The following TSPAN5 variants were observed in gnomAD, a reference collection of about 807,000 sequenced individuals.
TSPAN5 encodes tetraspanin 5.
TSPAN5 carries 10 observed loss-of-function variants against 37.1 expected under a neutral mutation model. The observed-to-expected ratio is 0.27, with a 90% CI of 0.17 to 0.46. The LOEUF is 0.46. TSPAN5 is among the 20% of genes least tolerant of loss of function. The probability of loss-of-function intolerance (pLI) is 1.00; values close to 1 mark genes in which losing one functional copy is unlikely to be tolerated. For synonymous variants in TSPAN5, 110 were observed against 118.9 expected, an observed-to-expected ratio of 0.93 and a Z score of 0.48; for missense variants, 195 against 326.6, an observed-to-expected ratio of 0.60 and a Z score of 3.11.
At chr4:98,643,053 C>G (rs564311991) in intron 1 of TSPAN5, among the ~76,000 whole-genome samples, 1 of 152,172 alleles carries the variant, frequency 6.6e-6, no homozygotes, top group African/African-American at 2.4e-5. Flanking sequence ...TAGGCCTTCC[C>G]TTTCACTCAC....
intron 1 of TSPAN5, among the ~76,000 whole-genome samples, chr4:98,543,608 C>A (rs1754409024): frequency 6.6e-6 from 1 of 151,662 alleles, no homozygotes; most frequent in South Asian, 2.1e-4. Context: ...TTAGCAGAGA[C>A]AGGGTTTCAC....
At chr4:98,585,314 T>A (rs554611413) in intron 1 of TSPAN5, among the ~76,000 whole-genome samples, 5 of 150,368 alleles carry the variant, frequency 3.3e-5, no homozygotes, top group Non-Finnish European at 7.4e-5. Flanking sequence ...TATTCCACTC[T>A]CTCTCTTTTT....
At chr4:98,541,844 T>C (rs974545102) in intron 1 of TSPAN5, among the ~76,000 whole-genome samples, 2 of 152,098 alleles carry the variant, frequency 1.3e-5, no homozygotes, top group African/African-American at 4.8e-5. Context: ...GTTAAGGTCA[T>C]CTCTACCTCT....
chr4:98,498,606 T>C (rs756362199), intron 2 of TSPAN5, among the ~76,000 whole-genome samples: 3 of 151,838 alleles, frequency 2.0e-5, no homozygotes, highest in African/African-American at 4.8e-5. Flanking sequence ...AGAGGCAAGG[T>C]TTCTCTGGAG....
At chr4:98,506,903 T>C (rs1753487650) in intron 2 of TSPAN5, among the ~76,000 whole-genome samples, 1 of 152,180 alleles carries the variant, frequency 6.6e-6, no homozygotes, top group Non-Finnish European at 1.5e-5. Context: ...CGGGTGTTTA[T>C]ATTCACTGTT....
intron 2 of TSPAN5, among the ~76,000 whole-genome samples, chr4:98,507,320 G>A (rs979644954): frequency 2.5e-4 from 38 of 152,006 alleles, no homozygotes; most frequent in Non-Finnish European, 4.4e-4. Flanking sequence ...AAGCAGAAGA[G>A]AAAAAAAGGC....
chr4:98,484,666 C>T, intron 3 of TSPAN5: 1 of 439,134 alleles, frequency 2.3e-6, no homozygotes, highest in South Asian at 1.6e-5. Flanking sequence ...AAGTAAATCA[C>T]AATTAAGGGG....
intron 1 of TSPAN5, among the ~76,000 whole-genome samples, chr4:98,616,030 C>A: frequency 6.6e-6 from 1 of 152,186 alleles, no homozygotes. Context: ...AGAGTGTTTC[C>A]AATTTCCCAG....
chr4:98,509,078 T>G (rs1002471802), intron 1 of TSPAN5, among the ~76,000 whole-genome samples: 1 of 152,180 alleles, frequency 6.6e-6, no homozygotes, highest in African/African-American at 2.4e-5. Context: ...TGGCCATGAG[T>G]AAAGATATGC....
At position 98,478,927 on chromosome 4, in the gene TSPAN5, A is replaced by C. The variant is rs747243427; in HGVS notation, c.451-117T>G. On this transcript the variant is annotated intron_variant, in intron 4 of 7. Transcript: ENST00000305798. ...GCTCTGACCTTCTTTTCTGTCCTAG[A>C]CTTTATTTTTAAGCCAAACTGAACC... 3.9e-6 allele frequency: 5 copies of C among 1,285,586 alleles called. No individual in the cohort carries two copies. The Admixed American group carries it at 6.9e-5, about 18-fold the overall frequency. The allele number at this position is 1,285,586 out of a possible 1,614,324, so 79.6% of individuals were successfully genotyped here. A position where few individuals can be genotyped will look rare whatever the true frequency, so the allele number is the denominator to read the frequency against.
At chr4:98,638,807 G>A (rs149705628) in intron 1 of TSPAN5, among the ~76,000 whole-genome samples, 164 of 152,298 alleles carry the variant, frequency 1.1e-3, no homozygotes, top group African/African-American at 3.8e-3. Context: ...AAGGACAAAG[G>A]ACTTTATTAT....
At chr4:98,579,256 T>C (rs943079298) in intron 1 of TSPAN5, among the ~76,000 whole-genome samples, 1 of 152,194 alleles carries the variant, frequency 6.6e-6, no homozygotes, top group Non-Finnish European at 1.5e-5. Context: ...AACACGCTCT[T>C]CTTCCTTTAT....
rs1219976164 is a variant in TSPAN5, at chr4:98,472,333, AT to A, written c.*188del. On this transcript the variant is annotated 3_prime_UTR_variant, in exon 8 of 8. Coordinates refer to ENST00000305798, the MANE Select transcript of TSPAN5 (RefSeq NM_005723.4). ...CGGCGCAACGACTTTCATACTGGTTATTTTTTTTTTTAATTCTGTCAGTGAG... is the reference window on the plus strand; with the variant it reads ...CGGCGCAACGACTTTCATACTGGTTATTTTTTTTTTAATTCTGTCAGTGAG... The A allele has an allele frequency of 0.032, 12,255 of 380,522 alleles. No homozygotes were observed. The highest frequency in any genetic ancestry group is 0.041 in the East Asian group (909 of 22,084). 23.6% of individuals were successfully genotyped at this position (380,522 alleles called of 1,614,324 possible).
chr4:98,550,727 A>G (rs1472874865), intron 1 of TSPAN5, among the ~76,000 whole-genome samples: 2 of 151,788 alleles, frequency 1.3e-5, no homozygotes, highest in Non-Finnish European at 2.9e-5. Context: ...ATGTTAATTT[A>G]GTATCCTGAA....
intron 2 of TSPAN5, among the ~76,000 whole-genome samples, chr4:98,487,894 A>T (rs1019539787): frequency 6.6e-6 from 1 of 152,092 alleles, no homozygotes; most frequent in Non-Finnish European, 1.5e-5. Context: ...CCCAGAACCT[A>T]TGTTACAAGA....
chr4:98,520,173 G>A (rs1203172371), intron 1 of TSPAN5, among the ~76,000 whole-genome samples: 1 of 152,156 alleles, frequency 6.6e-6, no homozygotes, highest in African/African-American at 2.4e-5. Context: ...TTAGATAAAA[G>A]GGCAGCAGGA....
chr4:98,557,738 G>A (rs984511398), intron 1 of TSPAN5, among the ~76,000 whole-genome samples: 2 of 152,324 alleles, frequency 1.3e-5, no homozygotes, highest in Admixed American at 6.5e-5. Flanking sequence ...TCAAGATTAT[G>A]TTGACATGAT....
intron 1 of TSPAN5, among the ~76,000 whole-genome samples, chr4:98,592,428 G>GTTTTTTTTTTTTT (rs35941064): frequency 4.2e-5 from 5 of 119,100 alleles, no homozygotes; most frequent in African/African-American, 1.3e-4. Context: ...TCTGTTTTTT[G>GTTTTTTTTTTTTT]TTTTTTTTTT....
chr4:98,546,628 G>C (rs577831684), intron 1 of TSPAN5, among the ~76,000 whole-genome samples: 10 of 152,238 alleles, frequency 6.6e-5, no homozygotes, highest in Non-Finnish European at 2.9e-5. Flanking sequence ...CACAAATGTA[G>C]AGCAGAAAGT....
Sources: allele counts gnomAD v4.1 joint callset (sites outside exome capture counted in the v4.1 genomes callset), GRCh38; gene constraint gnomAD v4.1.1; transcripts MANE v1.5; gene names NCBI Gene and HGNC (gene_info 2026-07-23, HGNC 2026-07-21).